Variants in ZBTB49 observed in about 807,000 individuals in gnomAD.
ZBTB49 encodes the protein zinc finger and BTB domain-containing protein 49.
In ZBTB49, 43 loss-of-function variants were observed where a neutral mutation model predicts 57.5. That is an observed-to-expected ratio of 0.75 (90% CI 0.59 to 0.97). The LOEUF is 0.97. Ranked by LOEUF, ZBTB49 falls within the 50% of genes least tolerant of loss-of-function variation. The probability of loss-of-function intolerance (pLI) is 0.00; values close to 1 mark genes in which losing one functional copy is unlikely to be tolerated. For missense variants in ZBTB49, 938 were observed against 947.7 expected, an observed-to-expected ratio of 0.99 and a Z score of 0.13; for synonymous variants, 369 against 362.1, an observed-to-expected ratio of 1.02 and a Z score of -0.22.
intron 1 of ZBTB49, among the ~76,000 whole-genome samples, chr4:4,298,429 C>CTT (rs57089472): frequency 0.053 from 7,863 of 149,358 alleles, 569 homozygotes; most frequent in East Asian, 0.31. Context: ...ACCATACTGC[C>CTT]TTTTTTTTTG....
intron 3 of ZBTB49, among the ~76,000 whole-genome samples, chr4:4,303,639 AT>A (rs1720601697): frequency 6.6e-6 from 1 of 152,074 alleles, no homozygotes; most frequent in African/African-American, 2.4e-5. Flanking sequence ...TCAAAAGAAA[AT>A]TCTTCCAATT....
rs751307356 is a variant in ZBTB49, at chr4:4,321,338, A to G, written c.*22A>G. 1.2e-5 allele frequency: 20 copies of G among 1,602,258 alleles called. No individual in the cohort carries two copies. The highest frequency in any genetic ancestry group is 1.7e-5 in the Non-Finnish European group (20 of 1,179,142). On this transcript the variant is annotated 3_prime_UTR_variant, in exon 8 of 8. Coordinates refer to ENST00000337872, the MANE Select transcript of ZBTB49 (RefSeq NM_145291.4). ...GTGATGTACCGCGCTTCTCCACGGT[A>G]GAGGCGTGTTCTCAGTTTAGCAGGC...
intron 5 of ZBTB49, 115 bp from the exon 6 acceptor site, chr4:4,315,521 G>A (rs993260900): frequency 1.7e-5 from 17 of 996,682 alleles, no homozygotes; most frequent in South Asian, 1.6e-4. Context: ...TCCAGTTCAC[G>A]TTCCTTTCTG....
chr4:4,300,397 A>G (rs867317263), intron 2 of ZBTB49, among the ~76,000 whole-genome samples: 2 of 152,338 alleles, frequency 1.3e-5, no homozygotes, highest in Middle Eastern at 3.4e-3. Flanking sequence ...AGTCTTCTAC[A>G]TATATTTCTT....
At chr4:4,311,244 A>G (rs1042886298) in intron 4 of ZBTB49, among the ~76,000 whole-genome samples, 1 of 152,262 alleles carries the variant, frequency 6.6e-6, no homozygotes, top group African/African-American at 2.4e-5. Context: ...GAAAAATGCA[A>G]CATTGCTAAG....
chr4:4,292,941 T>A (rs1720013992), intron 1 of ZBTB49, among the ~76,000 whole-genome samples: 1 of 152,242 alleles, frequency 6.6e-6, no homozygotes, highest in Non-Finnish European at 1.5e-5. Flanking sequence ...AACTTTTTCT[T>A]GTTTCTTTTC....
chr4:4,311,504 C>T (rs910683963), intron 4 of ZBTB49, among the ~76,000 whole-genome samples: 2 of 152,206 alleles, frequency 1.3e-5, no homozygotes, highest in African/African-American at 4.8e-5. Flanking sequence ...TTCATAGAAA[C>T]TTGTGTTTCC....
At position 4,299,981 on chromosome 4, in the gene ZBTB49, C is replaced by T. The variant is rs753183436; in HGVS notation, c.36C>T (p.Leu12=). ...TTGCTACCCACAGCTGCCATCTGCT[C>T]CAGCAACTGCATGAGCAGCGAATCC... is the stretch of plus-strand genomic sequence containing the variant. ...DPVATHSCHL[L]QQLHEQRIQG... Residue 12 remains leucine (L), a synonymous_variant, in exon 2 of 8, where the codon CTC becomes CTT. Coordinates refer to ENST00000337872, the MANE Select transcript of ZBTB49 (RefSeq NM_145291.4). 2.5e-6 allele frequency: 4 copies of T among 1,614,028 alleles called. No homozygotes were observed. The highest frequency in any genetic ancestry group is 3.4e-6 in the Non-Finnish European group (4 of 1,180,046).
intron 5 of ZBTB49, among the ~76,000 whole-genome samples, chr4:4,313,471 G>A (rs1452244168): frequency 6.6e-6 from 1 of 152,158 alleles, no homozygotes; most frequent in Non-Finnish European, 1.5e-5. Flanking sequence ...GGGGAAATGG[G>A]ACTTGGCAGC....
At chr4:4,309,908 T>TC (rs1403051884) in intron 4 of ZBTB49, among the ~76,000 whole-genome samples, 3 of 152,258 alleles carry the variant, frequency 2.0e-5, no homozygotes, top group Non-Finnish European at 4.4e-5. Flanking sequence ...TACATTTTTT[T>TC]CTTTTTAATT....
Position 4,321,030 on chromosome 4 carries a change from G to A in ZBTB49, c.2012G>A (p.Ser671Asn), listed in dbSNP as rs749002250. The A allele has an allele frequency of 1.9e-6, 3 of 1,614,092 alleles. No homozygotes were observed. Among genetic ancestry groups the A allele is most frequent in the Admixed American group, 3.3e-5 (2 of 60,008 alleles). The change falls in exon 8 of 8, where the codon AGT becomes AAT. Residue 671 changes from serine to asparagine, a missense_variant. By Grantham distance (46) the Ser-to-Asn change is conservative. Coordinates refer to ENST00000337872, the MANE Select transcript of ZBTB49 (RefSeq NM_145291.4). ...PHGVSDQEKLSLDPGKLAKPQ... is the reference protein window; with the variant it reads ...PHGVSDQEKLNLDPGKLAKPQ... ...GGAGTTAGTGACCAGGAGAAGCTGAGTTTGGATCCTGGTAAACTTGCCAAG... is the reference window on the plus strand; with the variant it reads ...GGAGTTAGTGACCAGGAGAAGCTGAATTTGGATCCTGGTAAACTTGCCAAG...
chr4:4,295,651 C>T lies in ZBTB49; in HGVS notation c.-19-4276C>T, dbSNP rs56894209. Among the ~76,000 whole-genome samples, 208 of 152,244 alleles carry T rather than the reference C, an allele frequency of 1.4e-3. 1 individual carries two copies. The highest frequency in any genetic ancestry group is 4.7e-3 in the African/African-American group (194 of 41,526). On this transcript the variant is annotated intron_variant, in intron 1 of 7. Transcript: ENST00000337872. ...ATTCAGCACTGGGAACAGTGTTCGCCGCCTACCATCGTGCCTTTCTTTCTG... is the reference window on the plus strand; with the variant it reads ...ATTCAGCACTGGGAACAGTGTTCGCTGCCTACCATCGTGCCTTTCTTTCTG...
Position 4,302,551 on chromosome 4 carries a change from C to T in ZBTB49, c.715C>T (p.Gln239Ter). The T allele has an allele frequency of 6.2e-7, 1 of 1,614,024 alleles. No homozygotes were observed. Among genetic ancestry groups the T allele is most frequent in the Non-Finnish European group, 8.5e-7 (1 of 1,179,946 alleles). Residue 239 changes from glutamine (Q) to a stop codon, truncating the protein, a stop_gained, in exon 3 of 8, where the codon CAG (glutamine) becomes TAG (stop). Transcript: ENST00000337872. LOFTEE classifies it high-confidence loss of function. ...AGPSQERVVE[Q>*]PFAFSTSTDL... ...TCCCAGTCAGGAGAGAGTTGTTGAG[C>T]AGCCTTTTGCTTTCAGCACCTCTAC...
At position 4,315,647 on chromosome 4, in the gene ZBTB49, CT is replaced by C; in HGVS notation, c.1389del (p.Gly464AlafsTer31). On this transcript the variant is annotated frameshift_variant, in exon 6 of 8. Coordinates refer to ENST00000337872, the MANE Select transcript of ZBTB49 (RefSeq NM_145291.4). LOFTEE classifies it high-confidence loss of function. ...CEICGKRFAA[S>X]GDVQRHIIIH... ...AAATTACATTCTAGGTTTGCAGCCT[CT>C]GGCGACGTCCAGCGTCACATTATTA... is the stretch of plus-strand genomic sequence containing the variant. 6.2e-7 allele frequency: 1 copy of C among 1,614,172 alleles called. No individual in the cohort carries two copies. The highest frequency in any genetic ancestry group is 8.5e-7 in the Non-Finnish European group (1 of 1,180,008).
chr4:4,308,225 G>A (rs1348882894), intron 4 of ZBTB49, among the ~76,000 whole-genome samples: 3 of 152,076 alleles, frequency 2.0e-5, no homozygotes, highest in African/African-American at 4.8e-5. Flanking sequence ...CTACAGGTGC[G>A]TTCCACCACG....
chr4:4,313,152 A>G (rs1223582948), intron 5 of ZBTB49, 38 bp downstream of exon 5: 7 of 1,610,960 alleles, frequency 4.3e-6, no homozygotes, highest in African/African-American at 2.7e-5. Context: ...GGAAGGGAGC[A>G]TGTCTAGTCT....
intron 1 of ZBTB49, among the ~76,000 whole-genome samples, chr4:4,292,475 G>A (rs754721886): frequency 6.6e-6 from 1 of 152,154 alleles, no homozygotes; most frequent in Non-Finnish European, 1.5e-5. Context: ...GAAGAGTAGG[G>A]AACACATCTG....
intron 3 of ZBTB49, 147 bp from the exon 4 acceptor site, chr4:4,305,991 A>G (rs1490330788): frequency 1.6e-6 from 1 of 609,012 alleles, no homozygotes; most frequent in Non-Finnish European, 2.9e-6. Flanking sequence ...AGAGAGAAAT[A>G]TAAGGAAGTA....
At chr4:4,314,442 G>A (rs1483167527) in intron 5 of ZBTB49, among the ~76,000 whole-genome samples, 2 of 152,202 alleles carry the variant, frequency 1.3e-5, no homozygotes, top group Non-Finnish European at 2.9e-5. Flanking sequence ...CTGAATCTCG[G>A]CTCACTGCAA....
Sources: gnomAD v4.1 joint callset for allele counts (sites outside exome capture counted in the v4.1 genomes callset) on GRCh38, gnomAD v4.1.1 for gene constraint, MANE v1.5 for transcripts, NCBI Gene and HGNC (gene_info 2026-07-23, HGNC 2026-07-21) for gene names.